ZNF354B: variants seen among roughly 807,000 people sequenced by gnomAD.
ZNF354B encodes zinc finger protein 354B.
Under a neutral mutation model 12.9 loss-of-function variants are expected in ZNF354B, and 10 were observed. That is an observed-to-expected ratio of 0.77 (90% confidence interval 0.48 to 1.31). ZNF354B has a LOEUF of 1.31. Among genes scored for constraint, ZNF354B ranks in the 40% most tolerant of loss-of-function variants. The probability of loss-of-function intolerance (pLI) is 0.00; values close to 1 mark genes in which losing one functional copy is unlikely to be tolerated. For synonymous variants in ZNF354B, 260 were observed against 243.7 expected, an observed-to-expected ratio of 1.07 and a Z score of -0.62; for missense variants, 614 against 711.7, an observed-to-expected ratio of 0.86 and a Z score of 1.56.
intron 1 of ZNF354B, among the ~76,000 whole-genome samples, chr5:178,860,399 C>T (rs1757327831): frequency 1.4e-5 from 2 of 146,390 alleles, no homozygotes; most frequent in Non-Finnish European, 3.1e-5. Flanking sequence ...GCCTCGCGGA[C>T]TCGGGGCGCC....
rs1381286638 is a variant in ZNF354B, at chr5:178,863,199, G to T, written c.33+2119G>T. Among the ~76,000 whole-genome samples, 3 of 152,026 alleles carry T rather than the reference G, an allele frequency of 2.0e-5. No homozygotes were observed. In the East Asian group the frequency reaches 5.8e-4, roughly 29 times the overall value. ...TTTTTCACCATAAAAATATTGCAGG[G>T]TTATGGTGTAAATTTTAGAGAATAA... On this transcript the variant is annotated intron_variant, in intron 2 of 4. Transcript: ENST00000322434.
At chr5:178,862,214 C>T (rs1471175218) in intron 2 of ZNF354B, among the ~76,000 whole-genome samples, 1 of 152,056 alleles carries the variant, frequency 6.6e-6, no homozygotes, top group Admixed American at 6.6e-5. Context: ...GAAACTGAGG[C>T]TCAGAAAAGT....
rs569980304 is a variant in ZNF354B, at chr5:178,877,314, C to T, written c.257-5395C>T. Reference sequence around the variant, plus strand: ...CCTCCTGAGTAGCTGGGATTACAGGCACCCACCACCACACCTGGCTAATTT... The same window carrying T: ...CCTCCTGAGTAGCTGGGATTACAGGTACCCACCACCACACCTGGCTAATTT... On this transcript the variant is annotated intron_variant, in intron 4 of 4. Transcript: ENST00000322434. Among the ~76,000 whole-genome samples, 349 of 152,192 alleles carry T rather than the reference C, an allele frequency of 2.3e-3. 2 individuals are homozygous for T. Among genetic ancestry groups the T allele is most frequent in the African/African-American group, 7.9e-3 (327 of 41,512 alleles).
In ZNF354B at chr5:178,884,113, C is replaced by T. The variant is rs1256478720; in HGVS notation, c.1661C>T (p.Thr554Ile). ...GGAGAAAAACCCTTTAAATGTAATA[C>T]ATGTGGAAAAACTTTTAGACAAAGC... is the stretch of plus-strand genomic sequence containing the variant. ...HTGEKPFKCNTCGKTFRQSSS... is the reference protein window; with the variant it reads ...HTGEKPFKCNICGKTFRQSSS... Residue 554 changes from threonine to isoleucine, a missense_variant, in exon 5 of 5, where the codon ACA becomes ATA. Physicochemically the swap from Thr to Ile is moderately conservative, Grantham distance 89. Transcript: ENST00000322434. 2.5e-6 allele frequency: 4 copies of T among 1,613,856 alleles called. No individual in the cohort carries two copies. In the African/African-American group the frequency reaches 5.3e-5, roughly 22 times the overall value.
At chr5:178,877,916 T>TC (rs1432900308) in intron 4 of ZNF354B, among the ~76,000 whole-genome samples, 3 of 152,230 alleles carry the variant, frequency 2.0e-5, no homozygotes, top group Non-Finnish European at 2.9e-5. Context: ...CCTTGGTGCT[T>TC]CCTACTCTAC....
chr5:178,878,272 A>T (rs1457139388), intron 4 of ZNF354B, among the ~76,000 whole-genome samples: 1 of 151,974 alleles, frequency 6.6e-6, no homozygotes, highest in African/African-American at 2.4e-5. Context: ...AGTCTCAGCT[A>T]CTTGGGAGGC....
rs769214908 is a variant in ZNF354B, at chr5:178,883,555, C to T, written c.1103C>T (p.Ser368Phe). The change falls in exon 5 of 5, where the codon TCC becomes TTC. Residue 368 changes from serine (S) to phenylalanine (F), a missense_variant. Physicochemically the swap from Ser to Phe is radical, Grantham distance 155. Coordinates refer to ENST00000322434, the MANE Select transcript of ZNF354B (RefSeq NM_058230.3). ...GGCAACACCTTTAAGTCTAGCTCAT[C>T]CCTTCGTTATCATCAGAGAATTCAC... Reference protein sequence around the residue: ...ECGNTFKSSSSLRYHQRIHTG... With the variant: ...ECGNTFKSSSFLRYHQRIHTG... 1.3e-5 allele frequency: 21 copies of T among 1,614,076 alleles called. No homozygotes were observed. Among genetic ancestry groups the T allele is most frequent in the Non-Finnish European group, 1.7e-5 (20 of 1,179,972 alleles).
At chr5:178,873,943 GT>G (rs1241236342) in intron 4 of ZNF354B, among the ~76,000 whole-genome samples, 5 of 140,218 alleles carry the variant, frequency 3.6e-5, no homozygotes, top group African/African-American at 5.3e-5. Flanking sequence ...TGAGTCCTCT[GT>G]TTTTTTTTTC....
chr5:178,883,699 G>A lies in ZNF354B; in HGVS notation c.1247G>A (p.Gly416Glu), dbSNP rs1757755836. 1 of 1,613,894 alleles carries A rather than the reference G, an allele frequency of 6.2e-7. No individual in the cohort carries two copies. Among genetic ancestry groups the A allele is most frequent in the African/African-American group, 1.3e-5 (1 of 74,888 alleles). Residue 416 changes from glycine to glutamate, a missense_variant, in exon 5 of 5, where the codon GGG becomes GAG. By Grantham distance (98) the Gly-to-Glu change is moderately conservative. Transcript: ENST00000322434. ...GEKPYRCNEC[G>E]KGFTSISRLN... Reference sequence around the variant, plus strand: ...AAGCCCTATAGATGCAATGAATGTGGGAAAGGCTTTACTTCTATTTCACGA... The same window carrying A: ...AAGCCCTATAGATGCAATGAATGTGAGAAAGGCTTTACTTCTATTTCACGA...
Position 178,883,716 on chromosome 5 carries a change from A to G in ZNF354B, c.1264A>G (p.Ile422Val), listed in dbSNP as rs55946240. The G allele has an allele frequency of 5.3e-5, 86 of 1,614,164 alleles. No individual in the cohort carries two copies. The Middle Eastern group carries it at 9.9e-4, about 19-fold the overall frequency. The part of the protein sequence containing the change: ...CNECGKGFTS[I>V]SRLNRHRIIH... ...TGAATGTGGGAAAGGCTTTACTTCT[A>G]TTTCACGACTTAATAGACACCGAAT... Residue 422 changes from isoleucine to valine, a missense_variant, in exon 5 of 5, where the codon ATT becomes GTT. Physicochemically the swap from Ile to Val is conservative, Grantham distance 29. Transcript: ENST00000322434.
intron 4 of ZNF354B, among the ~76,000 whole-genome samples, chr5:178,870,643 G>A (rs1409485837): frequency 2.0e-5 from 3 of 152,188 alleles, no homozygotes; most frequent in African/African-American, 7.2e-5. Flanking sequence ...GTGGTGAACG[G>A]AGGGGTTGCT....
rs866692328 is a variant in ZNF354B at position 178,881,340 on chromosome 5, C to T, written c.257-1369C>T. ...ATTCCACAATGCACAGGGCAGCCCA[C>T]CCTATCCACACAACTAAAAAATCAG... On this transcript the variant is annotated intron_variant, in intron 4 of 4. Transcript: ENST00000322434. 1.8e-4 allele frequency among the ~76,000 whole-genome samples: 28 copies of T among 152,120 alleles called. No homozygotes were observed. The South Asian group carries it at 2.1e-3, about 11-fold the overall frequency.
rs1236231746 is a variant in ZNF354B at position 178,868,133 on chromosome 5, C to T, written c.256+1062C>T. Among the ~76,000 whole-genome samples, 9 of 151,538 alleles carry T rather than the reference C, an allele frequency of 5.9e-5. No individual in the cohort carries two copies. The East Asian group carries it at 9.7e-4, about 16-fold the overall frequency. On this transcript the variant is annotated intron_variant, in intron 4 of 4. Transcript: ENST00000322434. ...ATTTCACTTGAGATGTGAGTGAAGT[C>T]GTCAGGTGGGGAACCCTGGTGGGCA...
At chr5:178,870,561 T>C (rs1757547122) in intron 4 of ZNF354B, among the ~76,000 whole-genome samples, 1 of 152,196 alleles carries the variant, frequency 6.6e-6, no homozygotes, top group Non-Finnish European at 1.5e-5. Flanking sequence ...ATTACAGGCG[T>C]GAGCCACCAC....
rs1258849288 is a variant in ZNF354B, at chr5:178,884,017, A to G, written c.1565A>G (p.Tyr522Cys). 1.2e-6 allele frequency: 2 copies of G among 1,614,130 alleles called. No individual in the cohort carries two copies. The highest frequency in any genetic ancestry group is 1.7e-6 in the Non-Finnish European group (2 of 1,179,988). The change falls in exon 5 of 5, where the codon TAT (tyrosine) becomes TGT (cysteine). Residue 522 changes from tyrosine (Y) to cysteine (C), a missense_variant. Physicochemically the swap from Tyr to Cys is radical, Grantham distance 194 (BLOSUM62 -2). Coordinates refer to ENST00000322434, the MANE Select transcript of ZNF354B (RefSeq NM_058230.3). ...AGAATTCATACTGGAGAGAAACCATATCGATGTTTAGAATGTGGGATGTCT... is the reference window on the plus strand; with the variant it reads ...AGAATTCATACTGGAGAGAAACCATGTCGATGTTTAGAATGTGGGATGTCT... ...HQRIHTGEKP[Y>C]RCLECGMSFG... is the part of the protein sequence containing the mutation.
chr5:178,866,067 G>A (rs1040876370), intron 2 of ZNF354B, among the ~76,000 whole-genome samples, 177 bp from the exon 3 acceptor site: 2 of 152,220 alleles, frequency 1.3e-5, no homozygotes, highest in African/African-American at 4.8e-5. Context: ...GAATCTCACT[G>A]TGTGCTGCTC....
chr5:178,862,492 G>GAGT (rs1757374395), intron 2 of ZNF354B, among the ~76,000 whole-genome samples: 3 of 150,332 alleles, frequency 2.0e-5, no homozygotes, highest in South Asian at 4.2e-4. Flanking sequence ...TCAGCCTCCT[G>GAGT]AGTAGCTAGG....
intron 1 of ZNF354B, 106 bp from the exon 2 acceptor site, chr5:178,860,891 G>A (rs1161421638): frequency 1.0e-5 from 5 of 490,548 alleles, no homozygotes; most frequent in African/African-American, 9.3e-5. Context: ...CCGAATCCCT[G>A]TGAGGGCGCG....
intron 4 of ZNF354B, among the ~76,000 whole-genome samples, chr5:178,868,804 C>G (rs1383617346): frequency 6.6e-6 from 1 of 152,028 alleles, no homozygotes; most frequent in Non-Finnish European, 1.5e-5. Flanking sequence ...AACCCCGTCT[C>G]TACTAAAAAT....
Sources: allele counts gnomAD v4.1 joint callset (sites outside exome capture counted in the v4.1 genomes callset), GRCh38; gene constraint gnomAD v4.1.1; transcripts MANE v1.5; gene names NCBI Gene and HGNC (gene_info 2026-07-23, HGNC 2026-07-21).